The following CHST15 variants were observed in gnomAD, a reference collection of about 807,000 sequenced individuals.
The protein encoded by CHST15 is B cell RAG associated protein (GALNAC4S-6ST).
In CHST15, 30 loss-of-function variants were observed where a neutral mutation model predicts 53.6. The observed-to-expected ratio is 0.56, with a 90% confidence interval of 0.42 to 0.76. CHST15 has a LOEUF of 0.76. Among genes scored for constraint, CHST15 ranks in the 30% least tolerant of loss-of-function variants. The pLI, the probability that CHST15 is intolerant of heterozygous loss-of-function variation, is 0.00. For synonymous variants in CHST15, 296 were observed against 289.8 expected, an observed-to-expected ratio of 1.02 and a Z score of -0.22; for missense variants, 627 against 740.5, an observed-to-expected ratio of 0.85 and a Z score of 1.78.
Position 124,058,687 on chromosome 10 carries a change from G to A in CHST15, c.-512-11963C>T, listed in dbSNP as rs565822566. Among the ~76,000 whole-genome samples, 20 of 152,322 alleles carry A rather than the reference G, an allele frequency of 1.3e-4. No homozygotes were observed. In the South Asian group the frequency reaches 3.7e-3, roughly 28 times the overall value. Reference sequence around the variant, plus strand: ...AGGCTGGACTACAAGATTCATAAAAGGCCAGGGTCAGTAGTGCTCAATCCT... The same window carrying A: ...AGGCTGGACTACAAGATTCATAAAAAGCCAGGGTCAGTAGTGCTCAATCCT... On this transcript the variant is annotated intron_variant, in intron 1 of 7. Transcript: ENST00000435907.
chr10:124,041,827 A>T lies in CHST15; in HGVS notation c.1033+474T>A, dbSNP rs191314713. ...GGCTTTTTAAACAGCAATTAGTTAT[A>T]GGCGATGTGTCAGAGCTGAGTCTAT... On this transcript the variant is annotated intron_variant, in intron 4 of 7. Transcript: ENST00000435907. Among the ~76,000 whole-genome samples, 558 of 152,358 alleles carry T rather than the reference A, an allele frequency of 3.7e-3. 5 individuals are homozygous for T. Among genetic ancestry groups the T allele is most frequent in the African/African-American group, 0.013 (530 of 41,578 alleles).
chr10:124,045,636 A>G (rs759271654), intron 2 of CHST15, 31 bp downstream of exon 2: 4 of 1,519,852 alleles, frequency 2.6e-6, no homozygotes, highest in Non-Finnish European at 3.5e-6. Flanking sequence ...AAAATCAACC[A>G]ATCAGTCAAG....
rs1946677825 is a variant in CHST15 at position 124,018,963 on chromosome 10, C to T, written c.1347+2293G>A. On this transcript the variant is annotated intron_variant, in intron 6 of 7. Coordinates refer to ENST00000435907, the MANE Select transcript of CHST15 (RefSeq NM_001270764.2). ...TAGGATGATGGGGAAACCCAGTCCG[C>T]GAGCACGTTCCCCGATTTGTGTGCC... Among the ~76,000 whole-genome samples, 5 of 152,192 alleles carry T rather than the reference C, an allele frequency of 3.3e-5. No individual in the cohort carries two copies. The South Asian group carries it at 6.2e-4, about 19-fold the overall frequency.
At chr10:124,040,331 G>C (rs888163124) in intron 4 of CHST15, among the ~76,000 whole-genome samples, 2 of 152,126 alleles carry the variant, frequency 1.3e-5, no homozygotes, top group Non-Finnish European at 2.9e-5. Context: ...AGGAAAGCAC[G>C]GCCCCTCCTC....
chr10:124,050,866 G>A (rs1948165648), intron 1 of CHST15, among the ~76,000 whole-genome samples: 1 of 152,144 alleles, frequency 6.6e-6, no homozygotes, highest in African/African-American at 2.4e-5. Context: ...GAGGAGGCAG[G>A]GACCAGGCTC....
intron 6 of CHST15, among the ~76,000 whole-genome samples, chr10:124,016,267 C>T (rs1270261288): frequency 1.3e-5 from 2 of 151,930 alleles, no homozygotes; most frequent in Non-Finnish European, 2.9e-5. Flanking sequence ...TGTGCCGGGG[C>T]CCAGGGTGCC....
At chr10:124,027,904 C>T (rs1460319635) in intron 5 of CHST15, among the ~76,000 whole-genome samples, 3 of 152,178 alleles carry the variant, frequency 2.0e-5, no homozygotes, top group African/African-American at 4.8e-5. Context: ...GGCAAGGAGA[C>T]GAATCCACGG....
intron 1 of CHST15, 56 bp downstream of exon 1, chr10:124,093,413 C>T (rs1390149443): frequency 6.6e-6 from 1 of 152,612 alleles, no homozygotes; most frequent in African/African-American, 2.4e-5. Flanking sequence ...CAGGGCCAGA[C>T]CTCCTACCGC....
intron 5 of CHST15, among the ~76,000 whole-genome samples, chr10:124,028,190 C>T (rs1947084836): frequency 6.6e-6 from 1 of 152,194 alleles, no homozygotes; most frequent in African/African-American, 2.4e-5. Flanking sequence ...GTGACAGCAA[C>T]AGCAAAAGGG....
rs143792781 is a variant in CHST15, at chr10:124,023,105, G to A, written c.1191-1693C>T. 1.5e-3 allele frequency among the ~76,000 whole-genome samples: 231 copies of A among 151,840 alleles called. 3 individuals are homozygous for A. The highest frequency in any genetic ancestry group is 5.4e-3 in the African/African-American group (224 of 41,396). ...ATCCCTACTTTTCCTAGTTGTATTC[G>A]GAGTCTCTCTCCTCTACTGAAAAAC... On this transcript the variant is annotated intron_variant, in intron 5 of 7. Coordinates refer to ENST00000435907, the MANE Select transcript of CHST15 (RefSeq NM_001270764.2).
chr10:124,073,709 C>T (rs760002070), intron 1 of CHST15, among the ~76,000 whole-genome samples: 31 of 152,240 alleles, frequency 2.0e-4, no homozygotes, highest in Non-Finnish European at 4.1e-4. Context: ...CTGGTCCTTG[C>T]GCCTTGACCA....
chr10:124,087,267 T>A (rs1280261292), intron 1 of CHST15, among the ~76,000 whole-genome samples: 2 of 152,174 alleles, frequency 1.3e-5, no homozygotes, highest in African/African-American at 4.8e-5. Context: ...AGAACCTCCC[T>A]GAGATAGATC....
intron 4 of CHST15, 33 bp from the exon 5 acceptor site, chr10:124,038,704 G>A (rs189826817): frequency 6.2e-7 from 1 of 1,608,514 alleles, no homozygotes; most frequent in Admixed American, 1.7e-5. Context: ...GTGAGCAGGG[G>A]TGTGATTCAG....
At chr10:124,045,613 G>T (rs1323502076) in intron 2 of CHST15, 54 bp downstream of exon 2, 1 of 1,470,884 alleles carries the variant, frequency 6.8e-7, no homozygotes, top group Non-Finnish European at 9.1e-7. Flanking sequence ...AGAAAGAAAA[G>T]CACTCATTTC....
At chr10:124,078,396 G>A (rs1218071860) in intron 1 of CHST15, among the ~76,000 whole-genome samples, 5 of 152,188 alleles carry the variant, frequency 3.3e-5, no homozygotes, top group South Asian at 2.1e-4. Flanking sequence ...GTTGCTGAGT[G>A]TATGAAATGA....
Position 124,045,760 on chromosome 10 carries a change from G to A in CHST15, c.453C>T (p.Ser151=), listed in dbSNP as rs1271353633. The change falls in exon 2 of 8, where the codon AGC becomes AGT. Residue 151 remains serine, a synonymous_variant. Coordinates refer to ENST00000435907, the MANE Select transcript of CHST15 (RefSeq NM_001270764.2). Reference sequence around the variant, plus strand: ...TGATGCTGTTGATAATTAATTTAATGCTTGGATAGTCCTTCATGTATGAAA... The same window carrying A: ...TGATGCTGTTGATAATTAATTTAATACTTGGATAGTCCTTCATGTATGAAA... ...NNISYMKDYP[S]IKLIINSITT... is the part of the protein sequence containing the mutation. 1.2e-6 allele frequency: 2 copies of A among 1,614,150 alleles called. No homozygotes were observed. The highest frequency in any genetic ancestry group is 1.7e-6 in the Non-Finnish European group (2 of 1,180,010).
intron 1 of CHST15, among the ~76,000 whole-genome samples, chr10:124,049,524 A>C (rs1948119603): frequency 1.3e-5 from 2 of 152,196 alleles, no homozygotes; most frequent in Non-Finnish European, 2.9e-5. Flanking sequence ...GTGGCTGATG[A>C]TTTAACCAAT....
chr10:124,070,745 C>CAA (rs1256557676), intron 1 of CHST15, among the ~76,000 whole-genome samples: 2 of 151,930 alleles, frequency 1.3e-5, no homozygotes, highest in East Asian at 3.9e-4. Context: ...CAGCAGTAAA[C>CAA]AAAACAAGTC....
chr10:124,042,458 C>G lies in CHST15; in HGVS notation c.887-11G>C, dbSNP rs1947778243. The G allele has an allele frequency of 6.2e-7, 1 of 1,612,858 alleles. No homozygotes were observed. Among genetic ancestry groups the G allele is most frequent in the African/African-American group, 1.3e-5 (1 of 74,880 alleles). On this transcript the variant is annotated splice_polypyrimidine_tract_variant and intron_variant, in intron 3 of 7. Transcript: ENST00000435907. ...TTAGGCGGACGATTCCTATGAGAAC[C>G]AAGAAGCAGGAGATACTGAGGACAA... is the stretch of plus-strand genomic sequence containing the variant.
Sources: allele counts gnomAD v4.1 joint callset (sites outside exome capture counted in the v4.1 genomes callset), GRCh38; gene constraint gnomAD v4.1.1; transcripts MANE v1.5; gene names NCBI Gene and HGNC (gene_info 2026-07-23, HGNC 2026-07-21).